Variants in LRRC4C observed in about 807,000 individuals in gnomAD.
LRRC4C encodes leucine rich repeat containing 4C.
LRRC4C carries 5 observed loss-of-function variants against 33.6 expected under a neutral mutation model. That is an observed-to-expected ratio of 0.15 (90% CI 0.08 to 0.31). LRRC4C has a LOEUF of 0.31. Among genes scored for constraint, LRRC4C ranks in the 10% least tolerant of loss-of-function variants. The pLI, the probability that LRRC4C is intolerant of heterozygous loss-of-function variation, is 1.00. For missense variants in LRRC4C, 560 were observed against 796.7 expected (o/e 0.70, Z 3.58); for synonymous variants, 329 against 302.0 (o/e 1.09, Z -0.93).
intron 1 of LRRC4C, among the ~76,000 whole-genome samples, chr11:41,427,409 G>C (rs75932378): frequency 6.6e-6 from 1 of 152,052 alleles, no homozygotes; most frequent in Non-Finnish European, 1.5e-5. Flanking sequence ...ACAATAAAAA[G>C]TCAATAAATA....
intron 1 of LRRC4C, among the ~76,000 whole-genome samples, chr11:41,238,200 A>G (rs1948104498): frequency 6.6e-6 from 1 of 152,094 alleles, no homozygotes; most frequent in African/African-American, 2.4e-5. Flanking sequence ...ACTCCACTGA[A>G]TTTTGTGTAG....
chr11:40,625,598 G>C (rs1962854395), intron 3 of LRRC4C, among the ~76,000 whole-genome samples: 1 of 152,092 alleles, frequency 6.6e-6, no homozygotes, highest in Non-Finnish European at 1.5e-5. Context: ...TGAAATTTGG[G>C]TGGGGACACA....
chr11:40,342,790 G>C (rs1479525905), intron 3 of LRRC4C, among the ~76,000 whole-genome samples: 1 of 151,968 alleles, frequency 6.6e-6, no homozygotes, highest in Non-Finnish European at 1.5e-5. Flanking sequence ...CCCAGTTACT[G>C]TCTATTCTAC....
intron 2 of LRRC4C, among the ~76,000 whole-genome samples, chr11:40,834,788 G>A (rs1233625722): frequency 6.6e-6 from 1 of 151,962 alleles, no homozygotes; most frequent in Non-Finnish European, 1.5e-5. Context: ...CTAAAAATTT[G>A]GCCCTCAACA....
intron 3 of LRRC4C, among the ~76,000 whole-genome samples, chr11:40,447,604 T>G (rs1177678580): frequency 1.3e-5 from 2 of 152,200 alleles, no homozygotes; most frequent in African/African-American, 2.4e-5. Flanking sequence ...ACAGCTATTT[T>G]ACAAAGGTAA....
intron 3 of LRRC4C, among the ~76,000 whole-genome samples, chr11:40,538,039 T>C (rs542321633): frequency 6.6e-6 from 1 of 152,184 alleles, no homozygotes; most frequent in Admixed American, 6.5e-5. Context: ...GAACACTGCA[T>C]TAACCTATTG....
intron 1 of LRRC4C, among the ~76,000 whole-genome samples, chr11:41,285,650 A>C (rs545330991): frequency 5.9e-5 from 9 of 152,180 alleles, no homozygotes; most frequent in African/African-American, 2.2e-4. Context: ...TGTTACCCAG[A>C]TGGGAGATGC....
In LRRC4C at chr11:41,265,871, CTT is replaced by C. The variant is rs746596484; in HGVS notation, c.-496+193558_-496+193559del. On this transcript the variant is annotated intron_variant, in intron 1 of 6. Coordinates refer to ENST00000528697, the MANE Select transcript of LRRC4C (RefSeq NM_001258419.2). The stretch of plus-strand genomic sequence containing the variant: ...GGGATGTAATGCCCATGGGTCTTTT[CTT>C]TTTTTAAAAAAAAAATAATAATTAC... Among the ~76,000 whole-genome samples the C allele has an allele frequency of 4.7e-3, 331 of 69,876 alleles. 2 individuals carry two copies. The highest frequency in any genetic ancestry group is 0.012 in the African/African-American group (308 of 25,716). 45.8% of individuals were successfully genotyped at this position (69,876 alleles called of 152,430 possible). A position where few individuals can be genotyped will look rare whatever the true frequency, so the allele number is the denominator to read the frequency against.
At chr11:40,679,179 TGA>T (rs1198191825) in intron 2 of LRRC4C, among the ~76,000 whole-genome samples, 1 of 152,106 alleles carries the variant, frequency 6.6e-6, no homozygotes, top group Non-Finnish European at 1.5e-5. Context: ...ACTTTGAAGT[TGA>T]GAGAGATGAT....
chr11:40,856,209 A>G (rs1230700528), intron 2 of LRRC4C, among the ~76,000 whole-genome samples: 3 of 152,132 alleles, frequency 2.0e-5, no homozygotes, highest in African/African-American at 7.2e-5. Context: ...TGAATTCTTA[A>G]AACTGTGAAA....
At chr11:41,028,881 T>G (rs965866533) in intron 1 of LRRC4C, among the ~76,000 whole-genome samples, 1 of 151,712 alleles carries the variant, frequency 6.6e-6, no homozygotes, top group East Asian at 1.9e-4. Context: ...GATCCTCCTC[T>G]GATGTCCATA....
chr11:40,786,374 C>T (rs1345283016), intron 2 of LRRC4C, among the ~76,000 whole-genome samples: 1 of 152,086 alleles, frequency 6.6e-6, no homozygotes, highest in Non-Finnish European at 1.5e-5. Flanking sequence ...TTTGTTTCTG[C>T]CATCATCACA....
chr11:40,228,419 C>T (rs1245601977), intron 5 of LRRC4C, among the ~76,000 whole-genome samples: 1 of 151,826 alleles, frequency 6.6e-6, no homozygotes, highest in Non-Finnish European at 1.5e-5. Flanking sequence ...CATGTGCAGC[C>T]TTTTTATGAG....
At chr11:40,144,400 A>G (rs916511575) in intron 5 of LRRC4C, among the ~76,000 whole-genome samples, 1 of 152,164 alleles carries the variant, frequency 6.6e-6, no homozygotes. Context: ...CAACTCATCT[A>G]CTTTTCTAAA....
intron 2 of LRRC4C, among the ~76,000 whole-genome samples, chr11:40,923,688 T>G (rs1462965059): frequency 6.6e-6 from 1 of 152,186 alleles, no homozygotes; most frequent in African/African-American, 2.4e-5. Context: ...ACTAGTTTAT[T>G]TGGACTCCTA....
chr11:40,166,303 C>T (rs1859591322), intron 5 of LRRC4C, among the ~76,000 whole-genome samples: 1 of 152,088 alleles, frequency 6.6e-6, no homozygotes, highest in African/African-American at 2.4e-5. Context: ...TGTAGCCTTA[C>T]AAAAATACGA....
chr11:41,340,653 T>C (rs891839426), intron 1 of LRRC4C, among the ~76,000 whole-genome samples: 12 of 152,298 alleles, frequency 7.9e-5, no homozygotes, highest in Non-Finnish European at 1.6e-4. Flanking sequence ...CTGCCAGTTA[T>C]TGGTAATGGA....
chr11:40,328,579 T>C (rs942711084), intron 3 of LRRC4C, among the ~76,000 whole-genome samples: 1 of 152,206 alleles, frequency 6.6e-6, no homozygotes, highest in Non-Finnish European at 1.5e-5. Context: ...TAGTCAACCA[T>C]TGGAATAAGT....
intron 5 of LRRC4C, among the ~76,000 whole-genome samples, chr11:40,165,861 C>T (rs1407785129): frequency 1.3e-5 from 2 of 152,110 alleles, no homozygotes; most frequent in Non-Finnish European, 2.9e-5. Flanking sequence ...AGGAGAATTG[C>T]TTGAAACTGG....
Sources: gnomAD v4.1 joint callset for allele counts (sites outside exome capture counted in the v4.1 genomes callset) on GRCh38, gnomAD v4.1.1 for gene constraint, MANE v1.5 for transcripts, NCBI Gene and HGNC (gene_info 2026-07-23, HGNC 2026-07-21) for gene names.